DAPK1: variants seen among roughly 807,000 people sequenced by gnomAD.
DAPK1 encodes the protein death associated protein kinase 1.
DAPK1 carries 56 observed loss-of-function variants against 144.9 expected under a neutral mutation model. That is an observed-to-expected ratio of 0.39 (90% CI 0.31 to 0.48). DAPK1 has a LOEUF of 0.48. Among genes scored for constraint, DAPK1 ranks in the 20% least tolerant of loss-of-function variants. The pLI, the probability that DAPK1 is intolerant of heterozygous loss-of-function variation, is 0.95. For missense variants in DAPK1, 1,454 were observed against 1,875.4 expected (o/e 0.78, Z 4.15); for synonymous variants, 690 against 749.0 (o/e 0.92, Z 1.29).
chr9:87,686,507 C>A lies in DAPK1; in HGVS notation c.2225-44C>A. The A allele has an allele frequency of 8.8e-7, 1 of 1,134,528 alleles. No homozygotes were observed. The allele number at this position is 1,134,528 out of a possible 1,614,324, so 70.3% of individuals were successfully genotyped here. ...CCAGCCTGGGAGGGAGACAGGCACA[C>A]GCTGCCCCCATCGAGTACTCATGTG... On this transcript the variant is annotated intron_variant, in intron 20 of 25. Coordinates refer to ENST00000408954, the MANE Select transcript of DAPK1 (RefSeq NM_004938.4). This position sits in a 1 kb window ranked among gnomAD's most constrained non-coding sequence, Gnocchi z 4.2.
chr9:87,503,445 T>A (rs1824481822), intron 2 of DAPK1, among the ~76,000 whole-genome samples: 2 of 152,274 alleles, frequency 1.3e-5, no homozygotes, highest in Middle Eastern at 3.4e-3. Flanking sequence ...TATATCATTT[T>A]TATTATTTTT....
chr9:87,529,395 A>T (rs749905934), intron 2 of DAPK1, among the ~76,000 whole-genome samples: 9 of 152,196 alleles, frequency 5.9e-5, no homozygotes, highest in Admixed American at 2.0e-4. Flanking sequence ...GTAGTTTCTA[A>T]GGTATTTCTA....
At chr9:87,658,410 C>G (rs553480898) in intron 18 of DAPK1, among the ~76,000 whole-genome samples, 2 of 152,314 alleles carry the variant, frequency 1.3e-5, no homozygotes, top group South Asian at 4.1e-4. Flanking sequence ...CACCAGGGCC[C>G]CTGCATGGTG....
intron 2 of DAPK1, among the ~76,000 whole-genome samples, chr9:87,516,477 T>C (rs906442667): frequency 2.6e-5 from 4 of 152,156 alleles, no homozygotes; most frequent in African/African-American, 7.2e-5. Flanking sequence ...TGCTTCCCCC[T>C]GCTCTGTCCC....
At chr9:87,531,899 GC>G (rs1253548535) in intron 2 of DAPK1, among the ~76,000 whole-genome samples, 4 of 152,156 alleles carry the variant, frequency 2.6e-5, no homozygotes, top group Non-Finnish European at 5.9e-5. Context: ...CCCTCCATGT[GC>G]CCCCTGGGCT....
At chr9:87,599,886 T>G (rs1369149713) in intron 2 of DAPK1, among the ~76,000 whole-genome samples, 1 of 152,216 alleles carries the variant, frequency 6.6e-6, no homozygotes, top group Non-Finnish European at 1.5e-5. Flanking sequence ...TTTATGTGTG[T>G]TTCTGTTTAA....
At chr9:87,691,891 T>G (rs1825066524) in intron 21 of DAPK1, among the ~76,000 whole-genome samples, 1 of 152,156 alleles carries the variant, frequency 6.6e-6, no homozygotes, top group African/African-American at 2.4e-5. Context: ...AGACTTTTCA[T>G]GTGTCCTGAT....
At chr9:87,576,165 T>TGCACACACGC (rs1231456488) in intron 2 of DAPK1, among the ~76,000 whole-genome samples, 4 of 152,158 alleles carry the variant, frequency 2.6e-5, no homozygotes, top group African/African-American at 9.7e-5. Flanking sequence ...TACACACACG[T>TGCACACACGC]GCACACACGC....
At chr9:87,559,575 C>T (rs763935794) in intron 2 of DAPK1, among the ~76,000 whole-genome samples, 114 of 152,252 alleles carry the variant, frequency 7.5e-4, no homozygotes, top group Non-Finnish European at 1.4e-3. Context: ...AGGGCCCTCC[C>T]AGGACGCTCT....
chr9:87,659,098 C>A (rs1030170041), intron 18 of DAPK1, among the ~76,000 whole-genome samples: 11 of 152,372 alleles, frequency 7.2e-5, no homozygotes, highest in Admixed American at 1.3e-4. Context: ...AGAGCCGAAA[C>A]ACCTACTTGC....
rs555321750 is a variant in DAPK1 at position 87,506,351 on chromosome 9, C to CAG, written c.62+7214_62+7215dup. On this transcript the variant is annotated intron_variant, in intron 2 of 25. Transcript: ENST00000408954. ...GGCAACAGGGTCTGCCCTTTGAGCT[C>CAG]AGAACTTTCGCAGGCCTTAACGACA... Among the ~76,000 whole-genome samples, 61 of 152,320 alleles carry CAG rather than the reference C, an allele frequency of 4.0e-4. No individual in the cohort carries two copies. In the East Asian group the frequency reaches 0.011, roughly 27 times the overall value.
intron 2 of DAPK1, among the ~76,000 whole-genome samples, chr9:87,509,067 G>T (rs1172728735): frequency 6.6e-6 from 1 of 152,186 alleles, no homozygotes; most frequent in Non-Finnish European, 1.5e-5. Context: ...GTGTCTCTGG[G>T]AAAGTGATGA....
chr9:87,621,083 G>A (rs761587932), intron 3 of DAPK1, among the ~76,000 whole-genome samples: 1 of 152,204 alleles, frequency 6.6e-6, no homozygotes, highest in Non-Finnish European at 1.5e-5. Context: ...GGAGGATGGA[G>A]CTATAGTTTG....
intron 2 of DAPK1, among the ~76,000 whole-genome samples, chr9:87,569,959 A>G (rs758499318): frequency 2.0e-4 from 31 of 152,182 alleles, no homozygotes; most frequent in Non-Finnish European, 3.7e-4. Flanking sequence ...GAATGTCATG[A>G]TTTTATTTCT....
intron 10 of DAPK1, among the ~76,000 whole-genome samples, chr9:87,642,380 A>G (rs866879950): frequency 6.6e-6 from 1 of 152,164 alleles, no homozygotes; most frequent in Non-Finnish European, 1.5e-5. Context: ...AAATAAATTC[A>G]TTCTTTGTGG....
chr9:87,580,181 G>C (rs1428044432), intron 2 of DAPK1, among the ~76,000 whole-genome samples: 1 of 152,174 alleles, frequency 6.6e-6, no homozygotes, highest in African/African-American at 2.4e-5. Context: ...CTGTGGGTCA[G>C]AGAACTTCAC....
chr9:87,703,150 AGCT>A lies in DAPK1; in HGVS notation c.2995_2997del (p.Leu999del). The A allele has an allele frequency of 6.2e-7, 1 of 1,611,970 alleles. No individual in the cohort carries two copies. The highest frequency in any genetic ancestry group is 8.5e-7 in the Non-Finnish European group (1 of 1,177,958). On this transcript the variant is annotated inframe_deletion, in exon 25 of 26. Coordinates refer to ENST00000408954, the MANE Select transcript of DAPK1 (RefSeq NM_004938.4). Reference sequence around the variant, plus strand: ...CAGTTTGTGTACGACGTGCAGGACCAGCTGAACCCCCTGGCCAGCGAGGAGGAC... The same window carrying A: ...CAGTTTGTGTACGACGTGCAGGACCAGAACCCCCTGGCCAGCGAGGAGGAC...
intron 2 of DAPK1, among the ~76,000 whole-genome samples, chr9:87,520,065 T>A (rs1285955200): frequency 6.6e-6 from 1 of 151,834 alleles, no homozygotes; most frequent in Non-Finnish European, 1.5e-5. Flanking sequence ...AAGAAGGAAG[T>A]CTTAATATAG....
chr9:87,498,135 C>A (rs1824248455), intron 1 of DAPK1, 28 bp downstream of exon 1: 1 of 397,010 alleles, frequency 2.5e-6, no homozygotes, highest in African/African-American at 2.1e-5. Context: ...GCTCCCCGGT[C>A]CCCCCGACCC....
Sources: gnomAD v4.1 joint callset for allele counts (sites outside exome capture counted in the v4.1 genomes callset) on GRCh38, gnomAD v4.1.1 for gene constraint, Gnocchi (gnomAD v3.1) non-coding constraint, MANE v1.5 for transcripts, NCBI Gene and HGNC (gene_info 2026-07-23, HGNC 2026-07-21) for gene names.